OR1J2: variants seen among roughly 807,000 people sequenced by gnomAD.
The protein encoded by OR1J2 is olfactory receptor family 1 subfamily J member 2.
For missense variants in OR1J2, 304 were observed against 246.1 expected, an observed-to-expected ratio of 1.24 and a Z score of -1.57; for synonymous variants, 142 against 99.7, an observed-to-expected ratio of 1.42 and a Z score of -2.52.
At chr9:122,570,649 A>G in the OR1J2 span, among the ~76,000 whole-genome samples, 4 of 152,196 alleles carry the variant, frequency 2.6e-5, no homozygotes, top group African/African-American at 9.6e-5. Flanking sequence ...CCTCAGCGTC[A>G]TCGTCCCTTA....
At chr9:122,505,645 C>CTTT in the OR1J2 span, among the ~76,000 whole-genome samples, 4 of 152,176 alleles carry the variant, frequency 2.6e-5, no homozygotes, top group Non-Finnish European at 4.4e-5. Context: ...ATTATTATCT[C>CTTT]AAGCTATAAA....
At chr9:122,497,443 T>C in the OR1J2 span, among the ~76,000 whole-genome samples, 3 of 152,332 alleles carry the variant, frequency 2.0e-5, no homozygotes, top group African/African-American at 4.8e-5. Flanking sequence ...CTAGATTTTC[T>C]AGTTTGTGTG....
At chr9:122,555,462 T>TGCCAAGG in the OR1J2 span, among the ~76,000 whole-genome samples, 1 of 152,158 alleles carries the variant, frequency 6.6e-6, no homozygotes, top group African/African-American at 2.4e-5. Context: ...CAATTTCTAG[T>TGCCAAGG]GCCAAGGCAA....
chr9:122,477,283 A>G, the OR1J2 span: 1 of 1,614,224 alleles, frequency 6.2e-7, no homozygotes. Context: ...ATAAGAAACC[A>G]GGATGCACAG....
the OR1J2 span, among the ~76,000 whole-genome samples, chr9:122,456,527 T>C: frequency 6.6e-6 from 1 of 152,152 alleles, no homozygotes; most frequent in African/African-American, 2.4e-5. Context: ...AGAATCATGG[T>C]TAAATCACTA....
At chr9:122,547,505 G>C in the OR1J2 span, among the ~76,000 whole-genome samples, 2 of 152,008 alleles carry the variant, frequency 1.3e-5, no homozygotes, top group Admixed American at 6.6e-5. Context: ...TACTCATTAA[G>C]CAATTTCTCA....
At chr9:122,544,827 C>T in the OR1J2 span, among the ~76,000 whole-genome samples, 1 of 152,026 alleles carries the variant, frequency 6.6e-6, no homozygotes, top group East Asian at 1.9e-4. Flanking sequence ...GCTTTGTTAC[C>T]TTTCTCTAGT....
chr9:122,452,452 C>T, the OR1J2 span, among the ~76,000 whole-genome samples: 2 of 152,124 alleles, frequency 1.3e-5, no homozygotes, highest in African/African-American at 2.4e-5. Flanking sequence ...CTTGCTTGAG[C>T]CTGCAGCACA....
chr9:122,458,888 T>G, the OR1J2 span, among the ~76,000 whole-genome samples: 596 of 152,304 alleles, frequency 3.9e-3, 8 homozygotes, highest in East Asian at 0.014. Context: ...TTTTTTGTCT[T>G]TTGAATATGT....
At chr9:122,569,909 A>T in the OR1J2 span, among the ~76,000 whole-genome samples, 7 of 144,076 alleles carry the variant, frequency 4.9e-5, no homozygotes, top group African/African-American at 7.8e-5. Context: ...AATTCCCACC[A>T]ATGAGTGAGA....
chr9:122,564,485 G>T, the OR1J2 span, among the ~76,000 whole-genome samples: 4 of 152,202 alleles, frequency 2.6e-5, no homozygotes, highest in Non-Finnish European at 4.4e-5. Context: ...GAAAAGTAGT[G>T]TTGTATCATT....
At chr9:122,477,310 G>A in the OR1J2 span, 1 of 1,614,134 alleles carries the variant, frequency 6.2e-7, no homozygotes, top group Non-Finnish European at 8.5e-7. Context: ...AAGCATAATG[G>A]CTGTCAATGC....
At chr9:122,452,207 T>C in the OR1J2 span, among the ~76,000 whole-genome samples, 1 of 152,110 alleles carries the variant, frequency 6.6e-6, no homozygotes. Context: ...TAACTCAGGT[T>C]CCAGGTATCA....
At chr9:122,527,527 G>A in the OR1J2 span, among the ~76,000 whole-genome samples, 1 of 152,062 alleles carries the variant, frequency 6.6e-6, no homozygotes, top group Non-Finnish European at 1.5e-5. Flanking sequence ...AATAAGGTCA[G>A]GGCATATTCT....
At chr9:122,580,350 A>G in the OR1J2 span, among the ~76,000 whole-genome samples, 1 of 152,244 alleles carries the variant, frequency 6.6e-6, no homozygotes, top group Admixed American at 6.5e-5. Flanking sequence ...TTCGACGTAC[A>G]GGATGGCACA....
At chr9:122,488,623 G>T in the OR1J2 span, among the ~76,000 whole-genome samples, 1 of 152,176 alleles carries the variant, frequency 6.6e-6, no homozygotes, top group Non-Finnish European at 1.5e-5. Context: ...CAGACTCAGG[G>T]CTCAAAAAGT....
the OR1J2 span, among the ~76,000 whole-genome samples, chr9:122,522,059 A>G: frequency 1.3e-5 from 2 of 152,328 alleles, no homozygotes; most frequent in Middle Eastern, 3.4e-3. Flanking sequence ...TGAATATGCA[A>G]ATAGAACTGA....
chr9:122,553,225 G>A, the OR1J2 span: 1 of 1,613,714 alleles, frequency 6.2e-7, no homozygotes, highest in Non-Finnish European at 8.5e-7. Flanking sequence ...GGAAAACCAG[G>A]CAGAGTGAAC....
the OR1J2 span, among the ~76,000 whole-genome samples, chr9:122,483,806 GTAAT>G: frequency 2.6e-5 from 4 of 152,124 alleles, no homozygotes; most frequent in Non-Finnish European, 4.4e-5. Flanking sequence ...TTTGAACTAA[GTAAT>G]TAAGGTATTT....
Sources: gnomAD v4.1 joint callset for allele counts (sites outside exome capture counted in the v4.1 genomes callset) on GRCh38, gnomAD v4.1.1 for gene constraint, MANE v1.5 for transcripts, NCBI Gene and HGNC (gene_info 2026-07-23, HGNC 2026-07-21) for gene names.